The following EIF4G3 variants were observed in gnomAD, a reference collection of about 807,000 sequenced individuals.
EIF4G3 encodes the protein eukaryotic translation initiation factor 4 gamma 3.
EIF4G3 carries 34 observed loss-of-function variants against 186.4 expected under a neutral mutation model. The ratio of observed to expected loss-of-function variants is 0.18; its 90% CI spans 0.14 to 0.24. EIF4G3 has a LOEUF of 0.24. Among genes scored for constraint, EIF4G3 ranks in the 10% least tolerant of loss-of-function variants. EIF4G3 has a pLI of 1.00. For synonymous variants in EIF4G3, 673 were observed against 679.5 expected, an observed-to-expected ratio of 0.99 and a Z score of 0.15; for missense variants, 1,536 against 1,948.5, an observed-to-expected ratio of 0.79 and a Z score of 3.99.
intron 2 of EIF4G3, among the ~76,000 whole-genome samples, chr1:21,160,710 G>A (rs2097752527): frequency 6.6e-6 from 1 of 152,168 alleles, no homozygotes; most frequent in African/African-American, 2.4e-5. Context: ...CTTCAAAAGT[G>A]TCAAAGTCAC....
intron 2 of EIF4G3, among the ~76,000 whole-genome samples, chr1:21,145,808 T>C (rs2097429864): frequency 6.6e-6 from 1 of 152,136 alleles, no homozygotes; most frequent in South Asian, 2.1e-4. Context: ...GGGCTGGGTG[T>C]AGTGGCTCAT....
At chr1:21,123,293 T>C (rs1208537800) in intron 2 of EIF4G3, among the ~76,000 whole-genome samples, 1 of 152,038 alleles carries the variant, frequency 6.6e-6, no homozygotes, top group Non-Finnish European at 1.5e-5. Flanking sequence ...CCAGATGCGG[T>C]GGCTCAAGCC....
chr1:21,174,934 G>T (rs765897930), intron 2 of EIF4G3, among the ~76,000 whole-genome samples: 13 of 152,148 alleles, frequency 8.5e-5, no homozygotes, highest in Non-Finnish European at 1.9e-4. Context: ...ACAATGACCT[G>T]AAATGACTCT....
At chr1:20,916,645 T>C (rs1202609055) in intron 14 of EIF4G3, among the ~76,000 whole-genome samples, 3 of 152,082 alleles carry the variant, frequency 2.0e-5, no homozygotes, top group African/African-American at 7.2e-5. Context: ...GGACCTAGAA[T>C]GGCCAAAACA....
At chr1:20,940,681 G>A (rs1321106730) in intron 14 of EIF4G3, among the ~76,000 whole-genome samples, 1 of 152,138 alleles carries the variant, frequency 6.6e-6, no homozygotes, top group Non-Finnish European at 1.5e-5. Flanking sequence ...ATAGCATAGG[G>A]CAATGTTGCA....
chr1:21,149,804 C>T (rs1490348530), intron 2 of EIF4G3, among the ~76,000 whole-genome samples: 2 of 152,180 alleles, frequency 1.3e-5, no homozygotes, highest in African/African-American at 2.4e-5. Context: ...AGAGATAATT[C>T]GCATTTAAGT....
At chr1:20,838,758 G>A (rs2067523000) in intron 30 of EIF4G3, among the ~76,000 whole-genome samples, 2 of 152,014 alleles carry the variant, frequency 1.3e-5, no homozygotes, top group South Asian at 4.1e-4. Flanking sequence ...ATGGCTTACT[G>A]CAGTCTGGAC....
chr1:20,946,508 A>C (rs1248097144), intron 13 of EIF4G3, among the ~76,000 whole-genome samples: 1 of 152,176 alleles, frequency 6.6e-6, no homozygotes, highest in Non-Finnish European at 1.5e-5. Context: ...ATTTGTCTGG[A>C]ACCTTGGCCT....
chr1:20,944,792 T>C (rs532061759), intron 13 of EIF4G3, among the ~76,000 whole-genome samples: 3 of 150,028 alleles, frequency 2.0e-5, no homozygotes, highest in East Asian at 2.0e-4. Context: ...CCCAGCACTT[T>C]GGGAGGCCAA....
intron 30 of EIF4G3, among the ~76,000 whole-genome samples, chr1:20,832,114 GTA>G (rs1400997894): frequency 6.8e-5 from 10 of 147,834 alleles, no homozygotes; most frequent in Admixed American, 1.4e-4. Context: ...AGTCCTTTAG[GTA>G]TATACCCAGT....
rs1169231492 is a variant in EIF4G3, at chr1:20,825,176, A to G, written c.4292T>C (p.Leu1431Ser). 1 of 1,611,280 alleles carries G rather than the reference A, an allele frequency of 6.2e-7. No homozygotes were observed. Among genetic ancestry groups the G allele is most frequent in the Non-Finnish European group, 8.5e-7 (1 of 1,178,488 alleles). ...KQMSHKKVGA[L>S]WREADLSWKD... Reference sequence around the variant, plus strand: ...CCAGCTGAGGTCAGCCTCCCTCCATAAGGCTCCCACTTTCTTATGGCTCTA... The same window carrying G: ...CCAGCTGAGGTCAGCCTCCCTCCATGAGGCTCCCACTTTCTTATGGCTCTA... Residue 1431 changes from leucine to serine, a missense_variant, in exon 33 of 37, where the codon TTA (leucine) becomes TCA (serine). Physicochemically the swap from Leu to Ser is moderately radical, Grantham distance 145. Around this residue, in one of 11 missense-constraint regions of EIF4G3, gnomAD observed 395 missense variants for 498.9 expected, o/e 0.79. Transcript: ENST00000602326.
At chr1:20,970,032 C>T (rs531548602) in intron 11 of EIF4G3, among the ~76,000 whole-genome samples, 5 of 152,032 alleles carry the variant, frequency 3.3e-5, no homozygotes, top group South Asian at 4.2e-4. Flanking sequence ...GGCGCAATCT[C>T]GGCTCACTGC....
At chr1:20,849,392 G>GTT (rs750739069) in intron 29 of EIF4G3, 23 bp downstream of exon 29, 30 of 1,073,618 alleles carry the variant, frequency 2.8e-5, no homozygotes, top group South Asian at 8.9e-5. Flanking sequence ...CTGTGTGTGT[G>GTT]TTTTTTTTTT....
At position 21,104,607 on chromosome 1, in the gene EIF4G3, T is replaced by C. The variant is rs574220262; in HGVS notation, c.-271-15394A>G. ...TATGTTGCGGAGCAAAGGGAATGCT[T>C]ATATACTGCTAGTGTGGAAATGTAA... On this transcript the variant is annotated intron_variant, in intron 2 of 36. Coordinates refer to ENST00000602326, the MANE Select transcript of EIF4G3 (RefSeq NM_001391906.1). 2.6e-5 allele frequency among the ~76,000 whole-genome samples: 4 copies of C among 152,326 alleles called. No homozygotes were observed. The South Asian group carries it at 6.2e-4, about 24-fold the overall frequency.
At chr1:21,030,084 G>A (rs2092599522) in intron 4 of EIF4G3, among the ~76,000 whole-genome samples, 1 of 152,090 alleles carries the variant, frequency 6.6e-6, no homozygotes, top group African/African-American at 2.4e-5. Flanking sequence ...TTGAGGCCCA[G>A]GATGGCCTCA....
At chr1:21,075,957 A>C (rs1460531998) in intron 3 of EIF4G3, among the ~76,000 whole-genome samples, 1 of 152,160 alleles carries the variant, frequency 6.6e-6, no homozygotes, top group Non-Finnish European at 1.5e-5. Flanking sequence ...GAAAATAAAT[A>C]ACCAAACGTT....
At chr1:21,005,630 G>A (rs533201586) in intron 4 of EIF4G3, among the ~76,000 whole-genome samples, 13 of 152,110 alleles carry the variant, frequency 8.5e-5, no homozygotes, top group Admixed American at 4.6e-4. Flanking sequence ...GCCAAATAAG[G>A]GAACATAGAG....
Position 20,817,495 on chromosome 1 carries a change from G to C in EIF4G3, c.4412C>G (p.Ala1471Gly), listed in dbSNP as rs1233290286. ...GGCAGACAGTTCTTTCTTTGAAAGTGCTTCAGAGGAACAGGGACTGTCAGA... is the reference window on the plus strand; with the variant it reads ...GGCAGACAGTTCTTTCTTTGAAAGTCCTTCAGAGGAACAGGGACTGTCAGA... ...IESDSPCSSE[A>G]LSKKELSAEE... The change falls in exon 34 of 37, where the codon GCA becomes GGA. Residue 1471 changes from alanine (A) to glycine (G), a missense_variant. Physicochemically the swap from Ala to Gly is moderately conservative, Grantham distance 60. This residue lies in a region of EIF4G3 where 395 missense variants were observed against 498.9 expected (regional missense o/e 0.79). Coordinates refer to ENST00000602326, the MANE Select transcript of EIF4G3 (RefSeq NM_001391906.1). The C allele has an allele frequency of 6.2e-7, 1 of 1,605,124 alleles. No homozygotes were observed. The highest frequency in any genetic ancestry group is 1.3e-5 in the African/African-American group (1 of 74,774).
chr1:20,807,211 G>A lies in EIF4G3; in HGVS notation c.*108C>T. ...CCCTCTCCCACTCGTGCACACGTGG[G>A]GGTTTCTGCGAGAATTGGCCTTGCT... is the stretch of plus-strand genomic sequence containing the variant. On this transcript the variant is annotated 3_prime_UTR_variant, in exon 37 of 37. Coordinates refer to ENST00000602326, the MANE Select transcript of EIF4G3 (RefSeq NM_001391906.1). 2.0e-6 allele frequency: 2 copies of A among 992,186 alleles called. No homozygotes were observed. The highest frequency in any genetic ancestry group is 2.4e-5 in the Admixed American group (1 of 41,592). The allele number at this position is 992,186 out of a possible 1,614,324, so 61.5% of individuals were successfully genotyped here. A position where few individuals can be genotyped will look rare whatever the true frequency, so the allele number is the denominator to read the frequency against.
Sources: allele counts gnomAD v4.1 joint callset (sites outside exome capture counted in the v4.1 genomes callset), GRCh38; gene constraint gnomAD v4.1.1; regional missense constraint gnomAD v4.1.1; transcripts MANE v1.5; gene names NCBI Gene and HGNC (gene_info 2026-07-23, HGNC 2026-07-21).